The following ADGRV1 variants were observed in gnomAD, a reference collection of about 807,000 sequenced individuals.
ADGRV1 encodes adhesion G protein-coupled receptor V1.
ADGRV1 carries 359 observed loss-of-function variants against 596.2 expected under a neutral mutation model. The ratio of observed to expected loss-of-function variants is 0.60; its 90% CI spans 0.55 to 0.66. The LOEUF (loss-of-function observed/expected upper bound fraction) is 0.66, where lower values mean the gene tolerates loss of function less well. Among genes scored for constraint, ADGRV1 ranks in the 30% least tolerant of loss-of-function variants. The pLI is 0.00. For synonymous variants in ADGRV1, 2,681 were observed against 2,679.2 expected, an observed-to-expected ratio of 1.00 and a Z score of -0.02; for missense variants, 7,274 against 7,575.6, an observed-to-expected ratio of 0.96 and a Z score of 1.48.
intron 85 of ADGRV1, among the ~76,000 whole-genome samples, chr5:91,065,857 A>G (rs1465040122): frequency 2.0e-5 from 3 of 152,218 alleles, no homozygotes; most frequent in Non-Finnish European, 4.4e-5. Flanking sequence ...CATCTGGCGA[A>G]ATATAGGGAA....
At chr5:90,715,276 C>T (rs917091478) in intron 42 of ADGRV1, among the ~76,000 whole-genome samples, 5 of 152,196 alleles carry the variant, frequency 3.3e-5, no homozygotes, top group Non-Finnish European at 5.9e-5. Context: ...CTGTGGGCAA[C>T]TGACACTCAG....
chr5:90,958,127 T>G (rs868174423), intron 83 of ADGRV1, among the ~76,000 whole-genome samples: 2 of 148,684 alleles, frequency 1.3e-5, no homozygotes, highest in Non-Finnish European at 3.0e-5. Context: ...AAAGAAAAAA[T>G]AAAAAAATTA....
Position 90,810,626 on chromosome 5 carries a change from T to A in ADGRV1, c.15366T>A (p.Ile5122=). 6.2e-7 allele frequency: 1 copy of A among 1,613,968 alleles called. No homozygotes were observed. ...RLNLDFSVAV[I]TILDNDDLAG... is the part of the protein sequence containing the mutation. ...ATCTAGATTTCAGTGTTGCAGTGAT[T>A]ACAATATTGGATAATGATGACCTGG... is the stretch of plus-strand genomic sequence containing the variant. Residue 5122 remains isoleucine (I), a synonymous_variant, in exon 74 of 90, where the codon ATT becomes ATA. Transcript: ENST00000405460.
chr5:90,623,212 G>A (rs1479710287), intron 5 of ADGRV1, among the ~76,000 whole-genome samples: 1 of 152,148 alleles, frequency 6.6e-6, no homozygotes, highest in East Asian at 1.9e-4. Flanking sequence ...TGCTGCTTGT[G>A]TATACAATGC....
chr5:90,783,284 C>G lies in ADGRV1; in HGVS notation c.13392C>G (p.Asn4464Lys). ...GSTVTFQHGQNLSFINISIID... is the reference protein window; with the variant it reads ...GSTVTFQHGQKLSFINISIID... ...CAGTCACCTTTCAGCATGGGCAAAA[C>G]TTAAGTTTTATAAATATCTCCATCA... The change falls in exon 66 of 90, where the codon AAC becomes AAG. Residue 4464 changes from asparagine (N) to lysine (K), a missense_variant. Asn to Lys is a moderately conservative substitution (Grantham distance 94). This residue lies in a region of ADGRV1 where 3,643 missense variants were observed against 3,809.2 expected (regional missense o/e 0.96). Transcript: ENST00000405460. 3 of 1,613,266 alleles carry G rather than the reference C, an allele frequency of 1.9e-6. No individual in the cohort carries two copies. The highest frequency in any genetic ancestry group is 2.5e-6 in the Non-Finnish European group (3 of 1,179,400).
rs1233821213 is a variant in ADGRV1 at position 90,811,241 on chromosome 5, C to A, written c.15981C>A (p.Phe5327Leu). ...LDDDEPEGQEFFYVFLTNPQG... is the reference protein window; with the variant it reads ...LDDDEPEGQELFYVFLTNPQG... ...ATGATGAGCCTGAGGGGCAGGAATT[C>A]TTCTACGTGTTTCTCACAAACCCTC... The change falls in exon 74 of 90, where the codon TTC becomes TTA. Residue 5327 changes from phenylalanine to leucine, a missense_variant. This residue lies in a region of ADGRV1 where 1,874 missense variants were observed against 1,970.2 expected (regional missense o/e 0.95). Transcript: ENST00000405460. 1.2e-6 allele frequency: 2 copies of A among 1,612,540 alleles called. No individual in the cohort carries two copies.
At chr5:90,692,528 A>AT (rs1385418813) in intron 31 of ADGRV1, 77 bp from the exon 32 acceptor site, 9 of 1,186,050 alleles carry the variant, frequency 7.6e-6, no homozygotes, top group South Asian at 1.6e-5. Context: ...TATATGTTTG[A>AT]TTTTTTTCCC....
At chr5:90,585,208 C>T (rs1034051864) in intron 1 of ADGRV1, among the ~76,000 whole-genome samples, 1 of 152,172 alleles carries the variant, frequency 6.6e-6, no homozygotes, top group African/African-American at 2.4e-5. Context: ...CTTTTGAATT[C>T]TCTCACTTAC....
chr5:90,942,120 G>A (rs903617636), intron 83 of ADGRV1, among the ~76,000 whole-genome samples: 10 of 152,214 alleles, frequency 6.6e-5, no homozygotes, highest in East Asian at 1.9e-4. Context: ...CTTAGTTGTC[G>A]ACTCATTGAC....
intron 87 of ADGRV1, among the ~76,000 whole-genome samples, chr5:91,108,757 T>C (rs1229160950): frequency 6.6e-6 from 1 of 152,024 alleles, no homozygotes; most frequent in Non-Finnish European, 1.5e-5. Flanking sequence ...TGCCTGGCTA[T>C]TTTTTTATTT....
intron 1 of ADGRV1, among the ~76,000 whole-genome samples, chr5:90,608,154 G>C (rs1762329386): frequency 6.6e-6 from 1 of 151,972 alleles, no homozygotes; most frequent in South Asian, 2.1e-4. Context: ...AAGATATAAG[G>C]AATAAGATAT....
At chr5:91,088,661 T>C (rs1375009673) in intron 86 of ADGRV1, among the ~76,000 whole-genome samples, 1 of 152,134 alleles carries the variant, frequency 6.6e-6, no homozygotes, top group Non-Finnish European at 1.5e-5. Flanking sequence ...TGGAAGCATG[T>C]AGTTATGAGC....
chr5:90,691,075 A>G, intron 31 of ADGRV1, 34 bp downstream of exon 31: 2 of 1,612,632 alleles, frequency 1.2e-6, no homozygotes, highest in Non-Finnish European at 1.7e-6. Flanking sequence ...ATGACACTGT[A>G]AATCATACCG....
intron 1 of ADGRV1, among the ~76,000 whole-genome samples, chr5:90,563,531 C>A (rs1755142056): frequency 1.3e-5 from 2 of 152,206 alleles, no homozygotes; most frequent in South Asian, 4.1e-4. Flanking sequence ...GAAAGACATA[C>A]AATAGCTTCA....
intron 83 of ADGRV1, among the ~76,000 whole-genome samples, chr5:90,874,611 C>T (rs2150514061): frequency 6.6e-6 from 1 of 152,044 alleles, no homozygotes; most frequent in South Asian, 2.1e-4. Context: ...CCTGTAATCC[C>T]AGCACTTTGG....
intron 1 of ADGRV1, among the ~76,000 whole-genome samples, chr5:90,606,224 C>T (rs73179768): frequency 0.02 from 3,023 of 152,306 alleles, 90 homozygotes; most frequent in African/African-American, 0.062. Flanking sequence ...TTGTCTGAAT[C>T]TGACAAAACT....
At chr5:90,921,133 T>C (rs1200705473) in intron 83 of ADGRV1, among the ~76,000 whole-genome samples, 2 of 152,238 alleles carry the variant, frequency 1.3e-5, no homozygotes, top group African/African-American at 4.8e-5. Flanking sequence ...ACTTGCATGT[T>C]TACAATCACA....
chr5:90,868,829 G>T (rs976114555), intron 83 of ADGRV1, among the ~76,000 whole-genome samples: 1 of 151,858 alleles, frequency 6.6e-6, no homozygotes, highest in East Asian at 1.9e-4. Flanking sequence ...ACTCAATTTA[G>T]GTATGCTCAA....
At chr5:90,899,209 A>T (rs1771606097) in intron 83 of ADGRV1, 1 of 152,240 alleles carries the variant, frequency 6.6e-6, no homozygotes, top group Non-Finnish European at 1.5e-5. Flanking sequence ...AGTAAATGAA[A>T]CAGGTTAACT....
Sources: allele counts gnomAD v4.1 joint callset (sites outside exome capture counted in the v4.1 genomes callset), GRCh38; gene constraint gnomAD v4.1.1; regional missense constraint gnomAD v4.1.1; transcripts MANE v1.5; gene names NCBI Gene and HGNC (gene_info 2026-07-23, HGNC 2026-07-21).